Variants in IGF2BP1 observed in about 807,000 individuals in gnomAD.
IGF2BP1 encodes insulin-like growth factor 2 mRNA-binding protein 1.
Under a neutral mutation model 74.9 loss-of-function variants are expected in IGF2BP1, and 11 were observed. The observed-to-expected ratio is 0.15, with a 90% confidence interval of 0.09 to 0.24. IGF2BP1 has a LOEUF of 0.24. Among genes scored for constraint, IGF2BP1 ranks in the 10% least tolerant of loss-of-function variants. The pLI, the probability that IGF2BP1 is intolerant of heterozygous loss-of-function variation, is 1.00. For synonymous variants in IGF2BP1, 287 were observed against 281.8 expected (o/e 1.02, Z -0.18); for missense variants, 440 against 757.4 (o/e 0.58, Z 4.92).
At chr17:49,029,756 T>C (rs561552234) in intron 4 of IGF2BP1, among the ~76,000 whole-genome samples, 3 of 152,186 alleles carry the variant, frequency 2.0e-5, no homozygotes, top group African/African-American at 7.2e-5. Flanking sequence ...GCATCCCAAG[T>C]AGCTGGGACT....
intron 5 of IGF2BP1, among the ~76,000 whole-genome samples, chr17:49,033,269 C>T (rs2041945929): frequency 1.3e-5 from 2 of 152,302 alleles, no homozygotes; most frequent in South Asian, 2.1e-4. Flanking sequence ...GTGCCTCAGC[C>T]TCCTGAGTAG....
chr17:49,003,434 A>G (rs180885071), intron 2 of IGF2BP1, among the ~76,000 whole-genome samples: 7 of 152,248 alleles, frequency 4.6e-5, no homozygotes, highest in Admixed American at 4.6e-4. Flanking sequence ...GGGAACAGCA[A>G]GTGCTATTTG....
rs527562139 is a variant in IGF2BP1, at chr17:49,044,257, C to A, written c.1320+171C>A. 2.0e-5 allele frequency among the ~76,000 whole-genome samples: 3 copies of A among 152,258 alleles called. No homozygotes were observed. The South Asian group carries it at 6.2e-4, about 32-fold the overall frequency. ...CTTTGTTTTTGATCTTGCTTGGTCC[C>A]CATGGGATGGCTTCAGTGCTTCTGG... is the stretch of plus-strand genomic sequence containing the variant. On this transcript the variant is annotated intron_variant, in intron 11 of 14. Coordinates refer to ENST00000290341, the MANE Select transcript of IGF2BP1 (RefSeq NM_006546.4).
At chr17:49,011,137 C>CA (rs61620827) in intron 2 of IGF2BP1, among the ~76,000 whole-genome samples, 1,916 of 57,224 alleles carry the variant, frequency 0.033, 199 homozygotes, top group East Asian at 0.07. Context: ...GACTCTGTCT[C>CA]AAAAAAAAAA....
At chr17:49,041,329 C>G in intron 7 of IGF2BP1, 49 bp from the exon 8 acceptor site, 1 of 1,606,400 alleles carries the variant, frequency 6.2e-7, no homozygotes, top group Non-Finnish European at 8.5e-7. Flanking sequence ...TCATGAAGCC[C>G]ACAATTGAAG....
At chr17:49,012,366 C>T (rs574126500) in intron 2 of IGF2BP1, 2 of 152,346 alleles carry the variant, frequency 1.3e-5, no homozygotes, top group East Asian at 1.9e-4. Context: ...GTGTCAGCCT[C>T]AGCCTGTCCT....
intron 2 of IGF2BP1, among the ~76,000 whole-genome samples, chr17:49,010,522 C>T (rs1370193666): frequency 6.6e-6 from 1 of 151,936 alleles, no homozygotes; most frequent in East Asian, 1.9e-4. Context: ...TTCACTGTGT[C>T]AGCCAGGATG....
chr17:49,028,115 A>G (rs1024065464), intron 4 of IGF2BP1, among the ~76,000 whole-genome samples: 2 of 152,054 alleles, frequency 1.3e-5, no homozygotes, highest in African/African-American at 4.8e-5. Context: ...GTGAGCTGTG[A>G]TTGTGCCACT....
At chr17:49,004,178 A>AG (rs1161607222) in intron 2 of IGF2BP1, among the ~76,000 whole-genome samples, 1 of 152,146 alleles carries the variant, frequency 6.6e-6, no homozygotes, top group Non-Finnish European at 1.5e-5. Context: ...TGGGTCTCCG[A>AG]GGAGGACTTC....
upstream of IGF2BP1, among the ~76,000 whole-genome samples, chr17:48,996,773 G>A (rs181414264): frequency 3.2e-3 from 490 of 152,230 alleles, no homozygotes; most frequent in Non-Finnish European, 5.5e-3. Context: ...GGGATACCCC[G>A]TTCCCAGCTT....
At chr17:49,041,624 A>T (rs1021791425) in intron 8 of IGF2BP1, 124 bp downstream of exon 8, 1 of 1,292,890 alleles carries the variant, frequency 7.7e-7, no homozygotes, top group African/African-American at 1.5e-5. Flanking sequence ...CTCTTGAAGA[A>T]AAACAGTCGA....
At chr17:49,009,906 C>A (rs1461591759) in intron 2 of IGF2BP1, among the ~76,000 whole-genome samples, 1 of 151,882 alleles carries the variant, frequency 6.6e-6, no homozygotes, top group Non-Finnish European at 1.5e-5. Flanking sequence ...ATGGTGAAAC[C>A]CTGTCTCTAC....
chr17:49,026,281 C>G (rs2041852212), intron 3 of IGF2BP1, 185 bp from the exon 4 acceptor site: 2 of 567,620 alleles, frequency 3.5e-6, no homozygotes, highest in South Asian at 4.6e-5. Flanking sequence ...CTTAAGTACA[C>G]TCCTGCAAAG....
chr17:49,019,906 A>G (rs1262723716), intron 2 of IGF2BP1, among the ~76,000 whole-genome samples: 3 of 14,850 alleles, frequency 2.0e-4, no homozygotes, highest in African/African-American at 1.7e-3. Context: ...TGGCTAATTT[A>G]TATATATATA....
chr17:49,055,796 G>A lies in IGF2BP1; in HGVS notation c.*6352G>A, dbSNP rs2042222785. 2 of 361,756 alleles carry A rather than the reference G, an allele frequency of 5.5e-6. No homozygotes were observed. The highest frequency in any genetic ancestry group is 9.8e-6 in the Non-Finnish European group (2 of 204,028). 22.4% of individuals were successfully genotyped at this position (361,756 alleles called of 1,614,324 possible). Reference sequence around the variant, plus strand: ...AAGAGGGAACGATGTATTTTGATGAGTGCAAATTGGGAAGAGCTGGAGGCC... The same window carrying A: ...AAGAGGGAACGATGTATTTTGATGAATGCAAATTGGGAAGAGCTGGAGGCC... On this transcript the variant is annotated 3_prime_UTR_variant, in exon 15 of 15. Transcript: ENST00000290341.
intron 4 of IGF2BP1, among the ~76,000 whole-genome samples, chr17:49,030,961 C>G (rs1247718007): frequency 6.6e-6 from 1 of 152,076 alleles, no homozygotes; most frequent in Non-Finnish European, 1.5e-5. Context: ...GGAATTTACT[C>G]CCAGGTTGTG....
Position 48,999,140 on chromosome 17 carries a change from G to A in IGF2BP1, c.207G>A (p.Glu69=), listed in dbSNP as rs2041451403. 3 of 1,420,412 alleles carry A rather than the reference G, an allele frequency of 2.1e-6. No individual in the cohort carries two copies. Among genetic ancestry groups the A allele is most frequent in the Non-Finnish European group, 2.8e-6 (3 of 1,059,990 alleles). 88.0% of individuals were successfully genotyped at this position (1,420,412 alleles called of 1,614,324 possible). Residue 69 remains glutamate, a synonymous_variant, in exon 2 of 15, where the codon GAG becomes GAA. Coordinates refer to ENST00000290341, the MANE Select transcript of IGF2BP1 (RefSeq NM_006546.4). ...TAGAATTACAAGGAAAACGCTTAGA[G>A]ATTGAACATTCGGTGCCCAAAAAAC... The part of the protein sequence containing the change: ...GKVELQGKRL[E]IEHSVPKKQR...
Position 48,999,117 on chromosome 17 carries a change from G to C in IGF2BP1, c.184G>C (p.Glu62Gln). The change falls in exon 2 of 15, where the codon GAA becomes CAA. Residue 62 changes from glutamate (E) to glutamine (Q), a missense_variant. Around this residue, in one of 5 missense-constraint regions of IGF2BP1, gnomAD observed 105 missense variants for 199.4 expected, o/e 0.53. Transcript: ENST00000290341. ...KAIETFSGKV[E>Q]LQGKRLEIEH... Reference sequence around the variant, plus strand: ...TTTTTTTTAATCTTTAGGGAAAGTAGAATTACAAGGAAAACGCTTAGAGAT... The same window carrying C: ...TTTTTTTTAATCTTTAGGGAAAGTACAATTACAAGGAAAACGCTTAGAGAT... 1 of 1,448,140 alleles carries C rather than the reference G, an allele frequency of 6.9e-7. No homozygotes were observed. The highest frequency in any genetic ancestry group is 9.3e-7 in the Non-Finnish European group (1 of 1,075,342). 89.7% of individuals were successfully genotyped at this position (1,448,140 alleles called of 1,614,324 possible).
At chr17:49,001,532 G>A (rs1476184600) in intron 2 of IGF2BP1, among the ~76,000 whole-genome samples, 1 of 152,026 alleles carries the variant, frequency 6.6e-6, no homozygotes, top group Non-Finnish European at 1.5e-5. Flanking sequence ...AATGTATTTT[G>A]TTCTTAGTTT....
Sources: gnomAD v4.1 joint callset for allele counts (sites outside exome capture counted in the v4.1 genomes callset) on GRCh38, gnomAD v4.1.1 for gene constraint, gnomAD v4.1.1 regional missense constraint, MANE v1.5 for transcripts, NCBI Gene and HGNC (gene_info 2026-07-23, HGNC 2026-07-21) for gene names.